The following RANBP17 variants were observed in gnomAD, a reference collection of about 807,000 sequenced individuals.
RANBP17 encodes the protein ran-binding protein 17.
In RANBP17, 158 loss-of-function variants were observed where a neutral mutation model predicts 141.2. The ratio of observed to expected loss-of-function variants is 1.12; its 90% confidence interval spans 0.98 to 1.28. The LOEUF is 1.28. Ranked by LOEUF, RANBP17 falls within the 50% of genes most tolerant of loss-of-function variation. The probability of loss-of-function intolerance (pLI) is 0.00; values close to 1 mark genes in which losing one functional copy is unlikely to be tolerated. For synonymous variants in RANBP17, 430 were observed against 450.0 expected, an observed-to-expected ratio of 0.96 and a Z score of 0.56; for missense variants, 1,438 against 1,290.7, an observed-to-expected ratio of 1.11 and a Z score of -1.75.
intron 14 of RANBP17, among the ~76,000 whole-genome samples, chr5:171,053,564 G>T (rs1225480832): frequency 3.3e-5 from 5 of 151,912 alleles, no homozygotes; most frequent in Non-Finnish European, 7.4e-5. Context: ...TTTGTTTGTT[G>T]ATCATGTTCC....
In RANBP17 at chr5:171,242,012, C is replaced by T. The variant is rs577483459; in HGVS notation, c.2638-670C>T. On this transcript the variant is annotated intron_variant, in intron 23 of 27. Coordinates refer to ENST00000523189, the MANE Select transcript of RANBP17 (RefSeq NM_022897.5). ...TTTTTTCTTTTTTTTTTTTTAGAGG[C>T]AGGGTCTTGCTGTGTTGCCCAGCCT... Among the ~76,000 whole-genome samples the T allele has an allele frequency of 5.3e-5, 8 of 150,240 alleles. No homozygotes were observed. In the East Asian group the frequency reaches 1.6e-3, roughly 29 times the overall value.
intron 14 of RANBP17, among the ~76,000 whole-genome samples, chr5:171,144,879 A>G (rs975696017): frequency 3.3e-5 from 5 of 152,204 alleles, no homozygotes; most frequent in Non-Finnish European, 7.3e-5. Flanking sequence ...GAAGGACACA[A>G]GATTTTTATA....
chr5:171,228,414 T>C (rs1764005385), intron 22 of RANBP17, among the ~76,000 whole-genome samples: 1 of 152,178 alleles, frequency 6.6e-6, no homozygotes, highest in Admixed American at 6.5e-5. Flanking sequence ...ACTGCTGCAG[T>C]CTCATGATAA....
intron 25 of RANBP17, among the ~76,000 whole-genome samples, chr5:171,282,912 C>T (rs1488764104): frequency 6.6e-6 from 1 of 152,146 alleles, no homozygotes; most frequent in African/African-American, 2.4e-5. Flanking sequence ...TAATGGCACC[C>T]CATTTCCTGC....
intron 14 of RANBP17, among the ~76,000 whole-genome samples, chr5:170,988,775 T>A (rs1778320302): frequency 6.6e-6 from 1 of 151,832 alleles, no homozygotes; most frequent in African/African-American, 2.4e-5. Flanking sequence ...AGGATGGATG[T>A]TGTTGAACAT....
chr5:171,259,573 A>G (rs879265133), intron 24 of RANBP17, among the ~76,000 whole-genome samples: 2 of 152,260 alleles, frequency 1.3e-5, no homozygotes, highest in African/African-American at 2.4e-5. Context: ...CTGTAGCGAC[A>G]TGGATGGAAC....
intron 14 of RANBP17, among the ~76,000 whole-genome samples, chr5:171,037,720 G>T (rs1221072970): frequency 6.6e-6 from 1 of 152,196 alleles, no homozygotes; most frequent in Non-Finnish European, 1.5e-5. Context: ...TTGAAGATCA[G>T]ATGTCTGTAG....
chr5:171,164,830 C>T (rs939689532), intron 14 of RANBP17, among the ~76,000 whole-genome samples: 1 of 152,136 alleles, frequency 6.6e-6, no homozygotes, highest in Non-Finnish European at 1.5e-5. Context: ...GAAGCAGTTC[C>T]TTTATGCCTT....
At chr5:171,273,017 T>G (rs1036315243) in intron 25 of RANBP17, among the ~76,000 whole-genome samples, 2 of 152,228 alleles carry the variant, frequency 1.3e-5, no homozygotes, top group African/African-American at 4.8e-5. Flanking sequence ...AATCTAGTTG[T>G]ACAGCTGTGT....
intron 21 of RANBP17, among the ~76,000 whole-genome samples, chr5:171,218,686 G>C (rs1763371903): frequency 6.6e-6 from 1 of 151,358 alleles, no homozygotes; most frequent in Non-Finnish European, 1.5e-5. Context: ...GATCTTTGTG[G>C]GTTTAAAGTC....
chr5:170,987,566 C>T (rs991624629), intron 14 of RANBP17, among the ~76,000 whole-genome samples: 3 of 151,196 alleles, frequency 2.0e-5, no homozygotes, highest in Non-Finnish European at 3.0e-5. Flanking sequence ...TTCTCTATAC[C>T]GCTTCCCACT....
chr5:171,258,149 AC>A (rs1766041994), intron 24 of RANBP17, among the ~76,000 whole-genome samples: 5 of 149,456 alleles, frequency 3.3e-5, no homozygotes, highest in Admixed American at 6.6e-5. Flanking sequence ...ACACACACAC[AC>A]ACACACACAC....
chr5:171,080,952 A>G (rs1410613909), intron 14 of RANBP17, among the ~76,000 whole-genome samples: 1 of 152,152 alleles, frequency 6.6e-6, no homozygotes, highest in Non-Finnish European at 1.5e-5. Context: ...CCTCAACTAA[A>G]TAATAACAGT....
At chr5:171,031,759 G>C (rs913050428) in intron 14 of RANBP17, among the ~76,000 whole-genome samples, 9 of 151,898 alleles carry the variant, frequency 5.9e-5, no homozygotes, top group African/African-American at 2.2e-4. Context: ...AATGGTATAG[G>C]AAGAAATATT....
intron 14 of RANBP17, among the ~76,000 whole-genome samples, chr5:171,127,426 C>T (rs969067879): frequency 1.3e-5 from 2 of 152,080 alleles, no homozygotes; most frequent in African/African-American, 4.8e-5. Context: ...AAAGAAGAGA[C>T]GACCTGCAGA....
chr5:171,293,731 T>C, intron 25 of RANBP17, 152 bp from the exon 26 acceptor site: 1 of 618,974 alleles, frequency 1.6e-6, no homozygotes, highest in Non-Finnish European at 2.9e-6. Context: ...CAGGCAGCCT[T>C]ATAAGCTTCC....
intron 22 of RANBP17, among the ~76,000 whole-genome samples, chr5:171,232,279 A>G (rs908486032): frequency 6.6e-6 from 1 of 152,188 alleles, no homozygotes; most frequent in Non-Finnish European, 1.5e-5. Context: ...AAATTATTGG[A>G]CAACATTACT....
chr5:171,209,519 A>G lies in RANBP17; in HGVS notation c.2231+3907A>G, dbSNP rs373405355. 1.3e-3 allele frequency among the ~76,000 whole-genome samples: 194 copies of G among 152,312 alleles called. 9 individuals carry two copies. In the South Asian group the frequency reaches 0.039, roughly 30 times the overall value. Reference sequence around the variant, plus strand: ...TTTTTTAGTTTTATTTCTGTGCCAGACAAAAGGAATGAAAGAATGAATAAA... The same window carrying G: ...TTTTTTAGTTTTATTTCTGTGCCAGGCAAAAGGAATGAAAGAATGAATAAA... On this transcript the variant is annotated intron_variant, in intron 20 of 27. Transcript: ENST00000523189.
intron 19 of RANBP17, among the ~76,000 whole-genome samples, chr5:171,201,567 C>T (rs1762298593): frequency 6.6e-6 from 1 of 152,206 alleles, no homozygotes; most frequent in African/African-American, 2.4e-5. Flanking sequence ...TGTCTCTTGC[C>T]ACATTTATCA....
Sources: gnomAD v4.1 joint callset for allele counts (sites outside exome capture counted in the v4.1 genomes callset) on GRCh38, gnomAD v4.1.1 for gene constraint, MANE v1.5 for transcripts, NCBI Gene and HGNC (gene_info 2026-07-23, HGNC 2026-07-21) for gene names.